The following SEMA5B variants were observed in gnomAD, a reference collection of about 807,000 sequenced individuals.
SEMA5B encodes semaphorin-5B.
SEMA5B carries 66 observed loss-of-function variants against 135.0 expected under a neutral mutation model. The ratio of observed to expected loss-of-function variants is 0.49; its 90% CI spans 0.40 to 0.60. SEMA5B has a LOEUF of 0.60. Ranked by LOEUF, SEMA5B falls within the 20% of genes least tolerant of loss-of-function variation. The probability of loss-of-function intolerance (pLI) is 0.00; values close to 1 mark genes in which losing one functional copy is unlikely to be tolerated. For synonymous variants in SEMA5B, 690 were observed against 639.5 expected (o/e 1.08, Z -1.19); for missense variants, 1,501 against 1,566.3 (o/e 0.96, Z 0.70).
intron 1 of SEMA5B, chr3:122,976,030 C>T: frequency 6.5e-7 from 1 of 1,535,148 alleles, no homozygotes; most frequent in East Asian, 2.4e-5. Context: ...TTGCCCGTCC[C>T]TGTAGAATGC....
At chr3:122,984,948 G>A (rs903304928) in intron 1 of SEMA5B, among the ~76,000 whole-genome samples, 1 of 152,094 alleles carries the variant, frequency 6.6e-6, no homozygotes, top group African/African-American at 2.4e-5. Flanking sequence ...TTTCAAATAC[G>A]TTTCTGGATC....
intron 20 of SEMA5B, 37 bp from the exon 21 acceptor site, chr3:122,911,572 A>G (rs555216486): frequency 1.3e-6 from 2 of 1,592,852 alleles, no homozygotes; most frequent in South Asian, 1.1e-5. Flanking sequence ...TCAGGGGCGG[A>G]GACGAGAGGA....
intron 1 of SEMA5B, among the ~76,000 whole-genome samples, chr3:123,012,872 G>A (rs895207554): frequency 6.6e-6 from 1 of 152,202 alleles, no homozygotes; most frequent in Non-Finnish European, 1.5e-5. Context: ...TTCTTCTACA[G>A]ATGGATGGAG....
At chr3:122,979,773 T>G (rs1941459543) in intron 1 of SEMA5B, among the ~76,000 whole-genome samples, 2 of 152,252 alleles carry the variant, frequency 1.3e-5, no homozygotes, top group South Asian at 4.1e-4. Flanking sequence ...CAATAATGCC[T>G]GGCTATCTGG....
intron 1 of SEMA5B, among the ~76,000 whole-genome samples, chr3:122,993,996 C>T (rs540627424): frequency 6.6e-6 from 1 of 152,084 alleles, no homozygotes; most frequent in Non-Finnish European, 1.5e-5. Flanking sequence ...GCCTCAGAAG[C>T]CTCTCCCCAC....
chr3:122,926,802 T>C, intron 8 of SEMA5B, 125 bp from the exon 9 acceptor site: 1 of 1,109,064 alleles, frequency 9.0e-7, no homozygotes, highest in South Asian at 1.5e-5. Flanking sequence ...CTCTGCAATC[T>C]TGGTGACCTG....
At chr3:123,003,406 T>C (rs1942229627) in intron 1 of SEMA5B, among the ~76,000 whole-genome samples, 2 of 151,570 alleles carry the variant, frequency 1.3e-5, no homozygotes. Context: ...CCAAAGAAAA[T>C]AGAATAATTC....
intron 1 of SEMA5B, among the ~76,000 whole-genome samples, chr3:123,026,379 C>G (rs1422028803): frequency 6.6e-6 from 1 of 151,790 alleles, no homozygotes; most frequent in African/African-American, 2.4e-5. Context: ...TCTCCCCATC[C>G]AGACTCTCGG....
rs368184762 is a variant in SEMA5B at position 122,911,921 on chromosome 3, G to C, written c.3045C>G (p.Pro1015=). Residue 1015 remains proline (P), a splice_region_variant and synonymous_variant, in exon 20 of 23, where the codon CCC becomes CCG. Transcript: ENST00000357599. ...GCAGGTGCTGGCAGGGGTACCTACC[G>C]GGAATCTCGCTGTAGGGGCAGGGGC... ...QSRPCPYSEI[P]VILPASSMEE... is the part of the protein sequence containing the mutation. 1 of 1,594,774 alleles carries C rather than the reference G, an allele frequency of 6.3e-7. No homozygotes were observed. Among genetic ancestry groups the C allele is most frequent in the African/African-American group, 1.3e-5 (1 of 74,466 alleles).
intron 1 of SEMA5B, among the ~76,000 whole-genome samples, chr3:122,997,525 C>G (rs79289865): frequency 0.035 from 5,262 of 151,288 alleles, 281 homozygotes; most frequent in African/African-American, 0.098. Flanking sequence ...CTCTCCCCCC[C>G]CCGTCTCCAC....
In SEMA5B at chr3:122,915,528, A is replaced by G. The variant is rs1938023020; in HGVS notation, c.1900T>C (p.Cys634Arg). The G allele has an allele frequency of 6.2e-7, 1 of 1,614,066 alleles. No individual in the cohort carries two copies. Among genetic ancestry groups the G allele is most frequent in the Non-Finnish European group, 8.5e-7 (1 of 1,180,002 alleles). The change falls in exon 14 of 23, where the codon TGT (cysteine) becomes CGT (arginine). Residue 634 changes from cysteine to arginine, a missense_variant. Physicochemically the swap from Cys to Arg is radical, Grantham distance 180. Transcript: ENST00000357599. ...LDGDNSGSCLCRARSCDSPRP... is the reference protein window; with the variant it reads ...LDGDNSGSCLRRARSCDSPRP... Reference sequence around the variant, plus strand: ...GGGGAATCACAGGATCGAGCTCGACACAGGCAAGAGCCTGAGTTGTCCCCA... The same window carrying G: ...GGGGAATCACAGGATCGAGCTCGACGCAGGCAAGAGCCTGAGTTGTCCCCA...
In SEMA5B at chr3:122,911,998, C is replaced by T; in HGVS notation, c.2968G>A (p.Glu990Lys). The T allele has an allele frequency of 3.1e-6, 5 of 1,613,660 alleles. No individual in the cohort carries two copies. The highest frequency in any genetic ancestry group is 4.2e-6 in the Non-Finnish European group (5 of 1,179,788). ...GCGCTGGACCCTGGGAGGAGCTCCTCACAGTGCCGGCTTCGGCTCTGGGCT... is the reference window on the plus strand; with the variant it reads ...GCGCTGGACCCTGGGAGGAGCTCCTTACAGTGCCGGCTTCGGCTCTGGGCT... ...DGAQSRSRHC[E>K]ELLPGSSACA... Residue 990 changes from glutamate (E) to lysine (K), a missense_variant, in exon 20 of 23, where the codon GAG (glutamate) becomes AAG (lysine). Physicochemically the swap from Glu to Lys is moderately conservative, Grantham distance 56. This residue lies in a region of SEMA5B where 927 missense variants were observed against 881.6 expected (regional missense o/e 1.05). Transcript: ENST00000357599.
chr3:122,926,041 T>C (rs887836083), intron 9 of SEMA5B, among the ~76,000 whole-genome samples: 3 of 152,202 alleles, frequency 2.0e-5, no homozygotes, highest in African/African-American at 7.2e-5. Flanking sequence ...GGAAGGGACC[T>C]TAGTGAATTC....
chr3:122,921,970 T>C lies in SEMA5B; in HGVS notation c.1633A>G (p.Arg545Gly). 6.5e-7 allele frequency: 1 copy of C among 1,536,248 alleles called. No individual in the cohort carries two copies. The change falls in exon 12 of 23, where the codon AGA becomes GGA. Residue 545 changes from arginine to glycine, a missense_variant. Arg to Gly is a moderately radical substitution (Grantham distance 125, BLOSUM62 -2). Around this residue, in one of 2 missense-constraint regions of SEMA5B, gnomAD observed 927 missense variants for 881.6 expected, o/e 1.05. Transcript: ENST00000357599. Reference protein sequence around the residue: ...HSARALFVGLRDGVLRVPLER... With the variant: ...HSARALFVGLGDGVLRVPLER... The stretch of plus-strand genomic sequence containing the variant: ...AGTGGGACCCGCAGGACGCCGTCTC[T>C]CAGCCCCACGAAGAGCGCGCGGGCG...
intron 1 of SEMA5B, among the ~76,000 whole-genome samples, chr3:122,992,174 C>T (rs1200753099): frequency 2.0e-5 from 3 of 152,178 alleles, no homozygotes; most frequent in African/African-American, 7.2e-5. Context: ...TGGGGACCCA[C>T]CACTGTTTGC....
At chr3:122,951,323 A>G (rs1024027429) in intron 2 of SEMA5B, among the ~76,000 whole-genome samples, 2 of 152,216 alleles carry the variant, frequency 1.3e-5, no homozygotes, top group Non-Finnish European at 2.9e-5. Flanking sequence ...ATAAAACAAA[A>G]CTAATCTTTG....
intron 1 of SEMA5B, among the ~76,000 whole-genome samples, chr3:122,978,208 C>G (rs1359615339): frequency 6.6e-6 from 1 of 152,270 alleles, no homozygotes; most frequent in African/African-American, 2.4e-5. Flanking sequence ...CCCACCTGGG[C>G]CCCAGGGTGC....
At chr3:122,931,650 T>C (rs1190011562) in intron 5 of SEMA5B, among the ~76,000 whole-genome samples, 1 of 152,250 alleles carries the variant, frequency 6.6e-6, no homozygotes, top group East Asian at 1.9e-4. Flanking sequence ...TTTTTAGAGT[T>C]GTCAGTGCTC....
intron 1 of SEMA5B, among the ~76,000 whole-genome samples, chr3:123,019,236 T>G (rs1047208154): frequency 6.6e-6 from 1 of 152,202 alleles, no homozygotes; most frequent in Non-Finnish European, 1.5e-5. Flanking sequence ...TTATTAGCTG[T>G]GTGACCTTGG....
Sources: gnomAD v4.1 joint callset for allele counts (sites outside exome capture counted in the v4.1 genomes callset) on GRCh38, gnomAD v4.1.1 for gene constraint, gnomAD v4.1.1 regional missense constraint, MANE v1.5 for transcripts, NCBI Gene and HGNC (gene_info 2026-07-23, HGNC 2026-07-21) for gene names.